The following COG5 variants were observed in gnomAD, a reference collection of about 807,000 sequenced individuals.
COG5 encodes component of oligomeric golgi complex 5, also known as conserved oligomeric Golgi complex subunit 5.
COG5 carries 86 observed loss-of-function variants against 110.4 expected under a neutral mutation model. The observed-to-expected ratio is 0.78, with a 90% CI of 0.65 to 0.93. The LOEUF is 0.93. COG5 is among the 40% of genes least tolerant of loss of function. COG5 has a pLI of 0.00. For missense variants in COG5, 1,077 were observed against 987.0 expected (o/e 1.09, Z -1.22); for synonymous variants, 360 against 334.6 (o/e 1.08, Z -0.83).
rs142995574 is a variant in COG5 at position 107,446,625 on chromosome 7, GTCTCTC to G, written c.539-33999_539-33994del. Among the ~76,000 whole-genome samples, 6 of 151,786 alleles carry G rather than the reference GTCTCTC, an allele frequency of 4.0e-5. No homozygotes were observed. The East Asian group carries it at 1.2e-3, about 29-fold the overall frequency. The stretch of plus-strand genomic sequence containing the variant: ...TACTGTGTACCCACATGCTCTCACT[GTCTCTC>G]TCTCTCTCCCCACTCACACTGGGAA... On this transcript the variant is annotated intron_variant, in intron 6 of 21. Transcript: ENST00000297135.
At chr7:107,334,957 C>G in intron 10 of COG5, among the ~76,000 whole-genome samples, 1 of 152,166 alleles carries the variant, frequency 6.6e-6, no homozygotes, top group South Asian at 2.1e-4. Flanking sequence ...CTATAGCAAT[C>G]TGTTAGATAT....
intron 10 of COG5, among the ~76,000 whole-genome samples, chr7:107,324,926 C>A (rs1809636044): frequency 6.6e-6 from 1 of 152,006 alleles, no homozygotes; most frequent in Admixed American, 6.6e-5. Flanking sequence ...TAAATTATTA[C>A]TCTCATCATC....
intron 6 of COG5, among the ~76,000 whole-genome samples, chr7:107,458,188 A>G (rs931014199): frequency 5.9e-5 from 9 of 152,256 alleles, no homozygotes; most frequent in African/African-American, 2.2e-4. Flanking sequence ...TTTGACAAGA[A>G]AAACAGAAAG....
intron 6 of COG5, among the ~76,000 whole-genome samples, chr7:107,507,629 C>T (rs1799127134): frequency 6.6e-6 from 1 of 151,954 alleles, no homozygotes; most frequent in Admixed American, 6.6e-5. Flanking sequence ...CTAAAATCTT[C>T]ACCAACTGCA....
intron 6 of COG5, among the ~76,000 whole-genome samples, chr7:107,431,179 T>A (rs1178948617): frequency 6.6e-6 from 1 of 152,226 alleles, no homozygotes; most frequent in Non-Finnish European, 1.5e-5. Context: ...ATCAAATTTG[T>A]GGTAATTTGT....
chr7:107,406,889 T>C (rs968950494), intron 7 of COG5, among the ~76,000 whole-genome samples: 3 of 152,164 alleles, frequency 2.0e-5, no homozygotes, highest in African/African-American at 7.2e-5. Flanking sequence ...AGGTTTCCCA[T>C]TAGATTAATA....
rs1341486292 is a variant in COG5 at position 107,201,847 on chromosome 7, A to ACACATGATGAAATGAAG, written c.*1652_*1668dup. 1 of 155,550 alleles carries ACACATGATGAAATGAAG rather than the reference A, an allele frequency of 6.4e-6. No individual in the cohort carries two copies. The allele number at this position is 155,550 out of a possible 1,614,324, so 9.6% of individuals were successfully genotyped here. A position where few individuals can be genotyped will look rare whatever the true frequency, so the allele number is the denominator to read the frequency against. Reference sequence around the variant, plus strand: ...CTTACTGCTTATTAATCTGTATTGTACACATGATGAAATGAAGCAGAAGCT... The same window carrying ACACATGATGAAATGAAG: ...CTTACTGCTTATTAATCTGTATTGTACACATGATGAAATGAAGCACATGATGAAATGAAGCAGAAGCT... On this transcript the variant is annotated 3_prime_UTR_variant, in exon 22 of 22. Transcript: ENST00000297135.
In COG5 at chr7:107,205,968, T is replaced by A. The variant is rs10276455; in HGVS notation, c.2376-2338A>T. Among the ~76,000 whole-genome samples the A allele has an allele frequency of 3.2e-3, 491 of 151,802 alleles. 2 individuals carry two copies. The highest frequency in any genetic ancestry group is 0.011 in the Admixed American group (173 of 15,264). ...GAAGTGTAGCTGTTTTTTTTTTTTT[T>A]TTATTTTTTTGAGACGGAGTCTTGC... On this transcript the variant is annotated intron_variant, in intron 21 of 21. Transcript: ENST00000297135.
intron 6 of COG5, among the ~76,000 whole-genome samples, chr7:107,452,744 A>G (rs1795418283): frequency 6.6e-6 from 1 of 152,166 alleles, no homozygotes; most frequent in Non-Finnish European, 1.5e-5. Context: ...CTTTATCAAC[A>G]GTGTGAAAAC....
intron 16 of COG5, among the ~76,000 whole-genome samples, chr7:107,256,148 G>T (rs1418355594): frequency 2.0e-5 from 3 of 151,988 alleles, no homozygotes; most frequent in Admixed American, 2.0e-4. Flanking sequence ...ATAGAAAGGG[G>T]GTATAGTTAT....
intron 6 of COG5, among the ~76,000 whole-genome samples, chr7:107,511,352 T>C (rs1230384925): frequency 2.6e-5 from 4 of 152,056 alleles, no homozygotes; most frequent in South Asian, 2.1e-4. Context: ...CAGGAAGAAG[T>C]TGAATCTCTG....
intron 21 of COG5, among the ~76,000 whole-genome samples, chr7:107,205,772 G>GA (rs1193976932): frequency 3.9e-5 from 6 of 152,020 alleles, no homozygotes; most frequent in Non-Finnish European, 8.8e-5. Flanking sequence ...GGAAAGAATG[G>GA]AAACCATCTT....
At chr7:107,506,824 C>A (rs1055426287) in intron 6 of COG5, among the ~76,000 whole-genome samples, 4 of 152,232 alleles carry the variant, frequency 2.6e-5, no homozygotes, top group South Asian at 2.1e-4. Context: ...GCCACTCACC[C>A]TCTGGTTCTG....
chr7:107,208,917 C>CA (rs1798962232), intron 21 of COG5: 1 of 985,284 alleles, frequency 1.0e-6, no homozygotes, highest in East Asian at 1.1e-4. Context: ...CCCACTATGG[C>CA]AGGGGTTCAC....
chr7:107,316,425 T>C (rs1233832095), intron 11 of COG5, among the ~76,000 whole-genome samples: 1 of 151,614 alleles, frequency 6.6e-6, no homozygotes, highest in African/African-American at 2.4e-5. Context: ...GGAAGAAAGG[T>C]ACAGGAAAAA....
At chr7:107,236,385 C>G in intron 18 of COG5, 65 bp downstream of exon 18, 1 of 1,164,850 alleles carries the variant, frequency 8.6e-7, no homozygotes, top group South Asian at 1.2e-5. Flanking sequence ...AAAACACATT[C>G]TTTCATTTAA....
At chr7:107,424,275 A>T (rs989037024) in intron 6 of COG5, among the ~76,000 whole-genome samples, 1 of 152,072 alleles carries the variant, frequency 6.6e-6, no homozygotes, top group African/African-American at 2.4e-5. Flanking sequence ...TCTGTCTCCA[A>T]ATAAAAAATA....
intron 12 of COG5, among the ~76,000 whole-genome samples, chr7:107,294,612 C>T (rs1044805393): frequency 6.6e-6 from 1 of 152,004 alleles, no homozygotes; most frequent in Non-Finnish European, 1.5e-5. Context: ...CATTTCCTTT[C>T]CTCTCTGATC....
At chr7:107,217,788 C>T (rs1280233758) in intron 19 of COG5, among the ~76,000 whole-genome samples, 1 of 152,094 alleles carries the variant, frequency 6.6e-6, no homozygotes, top group African/African-American at 2.4e-5. Context: ...AGCTTTTCCT[C>T]TAAGATCAGG....
Sources: gnomAD v4.1 joint callset for allele counts (sites outside exome capture counted in the v4.1 genomes callset) on GRCh38, gnomAD v4.1.1 for gene constraint, MANE v1.5 for transcripts, NCBI Gene and HGNC (gene_info 2026-07-23, HGNC 2026-07-21) for gene names.